NUDT5: variants seen among roughly 807,000 people sequenced by gnomAD.
NUDT5 encodes ADP-sugar pyrophosphatase.
Under a neutral mutation model 34.1 loss-of-function variants are expected in NUDT5, and 21 were observed. That is an observed-to-expected ratio of 0.62 (90% confidence interval 0.44 to 0.89). NUDT5 has a LOEUF of 0.89. Among genes scored for constraint, NUDT5 ranks in the 40% least tolerant of loss-of-function variants. The pLI is 0.00. For synonymous variants in NUDT5, 85 were observed against 97.6 expected (o/e 0.87, Z 0.76); for missense variants, 249 against 274.8 (o/e 0.91, Z 0.66).
In NUDT5 at chr10:12,170,352, C is replaced by G. The variant is rs919538368; in HGVS notation, c.550+365G>C. On this transcript the variant is annotated intron_variant, in intron 9 of 9. Coordinates refer to ENST00000491614, the MANE Select transcript of NUDT5 (RefSeq NM_014142.4). The surrounding 1 kb of genome is among the most constrained non-coding windows in gnomAD (Gnocchi z 4.9). ...CCTCCACAAAGGACCATCCCTCATACTAGCATACTTGAGGAAAAGCTAACA... is the reference window on the plus strand; with the variant it reads ...CCTCCACAAAGGACCATCCCTCATAGTAGCATACTTGAGGAAAAGCTAACA... 2.3e-5 allele frequency: 16 copies of G among 707,924 alleles called. No homozygotes were observed. The highest frequency in any genetic ancestry group is 3.7e-4 in the Middle Eastern group (1 of 2,730). 43.9% of individuals were successfully genotyped at this position (707,924 alleles called of 1,614,324 possible). A position where few individuals can be genotyped will look rare whatever the true frequency, so the allele number is the denominator to read the frequency against.
intron 4 of NUDT5, 30 bp from the exon 5 acceptor site, chr10:12,177,930 C>A (rs748377330): frequency 1.2e-5 from 18 of 1,556,536 alleles, no homozygotes; most frequent in Non-Finnish European, 1.6e-5. Flanking sequence ...CCAAGGAAAT[C>A]CCTAATGAGA....
intron 5 of NUDT5, among the ~76,000 whole-genome samples, chr10:12,176,053 C>T (rs572535679): frequency 1.8e-4 from 28 of 151,836 alleles, no homozygotes; most frequent in Non-Finnish European, 3.2e-4. Flanking sequence ...CAAAATTAGC[C>T]GGGTGTGGTG....
chr10:12,177,595 C>A (rs1834975082), intron 5 of NUDT5, among the ~76,000 whole-genome samples, 198 bp downstream of exon 5: 1 of 152,158 alleles, frequency 6.6e-6, no homozygotes. Context: ...TGGGAGGTGG[C>A]CTTGTGTCGC....
chr10:12,185,545 C>T (rs1428843494), intron 2 of NUDT5, among the ~76,000 whole-genome samples: 3 of 152,220 alleles, frequency 2.0e-5, no homozygotes, highest in Non-Finnish European at 2.9e-5. Flanking sequence ...AACTTACCTA[C>T]GGCACTATAC....
In NUDT5 at chr10:12,168,025, TG is replaced by T; in HGVS notation, c.551-215del. ...CATGAGACAAGAACATCAGGGATAA[TG>T]ATTTTTTTTTTTTTTGGTGAGACAG... On this transcript the variant is annotated intron_variant, in intron 9 of 9. Coordinates refer to ENST00000491614, the MANE Select transcript of NUDT5 (RefSeq NM_014142.4). This position sits in a 1 kb window ranked among gnomAD's most constrained non-coding sequence, Gnocchi z 4.8. 1.1e-6 allele frequency: 1 copy of T among 909,060 alleles called. No individual in the cohort carries two copies. The highest frequency in any genetic ancestry group is 1.5e-6 in the Non-Finnish European group (1 of 686,570). 56.3% of individuals were successfully genotyped at this position (909,060 alleles called of 1,614,324 possible).
chr10:12,173,914 T>C lies in NUDT5; in HGVS notation c.290-101A>G, dbSNP rs1342404022. 4.8e-6 allele frequency: 4 copies of C among 830,052 alleles called. No individual in the cohort carries two copies. Among genetic ancestry groups the C allele is most frequent in the Non-Finnish European group, 6.1e-6 (3 of 488,682 alleles). The allele number at this position is 830,052 out of a possible 1,614,324, so 51.4% of individuals were successfully genotyped here. A position where few individuals can be genotyped will look rare whatever the true frequency, so the allele number is the denominator to read the frequency against. ...TGGAGTCTCACTCTGTCGCCCAGGC[T>C]GGAGTGCAGTGGTGCGATCTCGGCC... On this transcript the variant is annotated intron_variant, in intron 5 of 9. Transcript: ENST00000491614. This position sits in a 1 kb window ranked among gnomAD's most constrained non-coding sequence, Gnocchi z 4.7.
rs1588650394 is a variant in NUDT5, at chr10:12,166,246, G to A, written c.*1456C>T. The A allele has an allele frequency of 6.5e-6, 1 of 153,212 alleles. No homozygotes were observed. The highest frequency in any genetic ancestry group is 2.0e-4 in the South Asian group (1 of 4,880). The allele number at this position is 153,212 out of a possible 1,614,324, so 9.5% of individuals were successfully genotyped here. A position where few individuals can be genotyped will look rare whatever the true frequency, so the allele number is the denominator to read the frequency against. ...GACTGGGCTGCGCCCGTCTACGGATGCCTTCTCTCTTGATTTCAATGATTG... is the reference window on the plus strand; with the variant it reads ...GACTGGGCTGCGCCCGTCTACGGATACCTTCTCTCTTGATTTCAATGATTG... On this transcript the variant is annotated 3_prime_UTR_variant, in exon 10 of 10. Coordinates refer to ENST00000491614, the MANE Select transcript of NUDT5 (RefSeq NM_014142.4).
intron 1 of NUDT5, among the ~76,000 whole-genome samples, chr10:12,194,489 T>C (rs1216490187): frequency 2.0e-5 from 3 of 152,198 alleles, no homozygotes; most frequent in Non-Finnish European, 4.4e-5. Context: ...GCATAAATGA[T>C]GAATCATGAC....
rs1311770973 is a variant in NUDT5 at position 12,170,951 on chromosome 10, T to C, written c.488-43A>G. 42 of 1,606,754 alleles carry C rather than the reference T, an allele frequency of 2.6e-5. No individual in the cohort carries two copies. Among genetic ancestry groups the C allele is most frequent in the Non-Finnish European group, 3.4e-5 (40 of 1,176,348 alleles). On this transcript the variant is annotated intron_variant, in intron 7 of 9. Transcript: ENST00000491614. The surrounding 1 kb of genome is among the most constrained non-coding windows in gnomAD (Gnocchi z 4.9). ...GAAAACATTTCAGCAAGGCCTGGAG[T>C]GGTAACATCGGAAGACTTTTATACA...
At position 12,169,682 on chromosome 10, in the gene NUDT5, G is replaced by A. The variant is rs1056674214; in HGVS notation, c.550+1035C>T. 4.3e-6 allele frequency: 1 copy of A among 234,404 alleles called. No individual in the cohort carries two copies. Among genetic ancestry groups the A allele is most frequent in the African/African-American group, 2.3e-5 (1 of 44,198 alleles). 14.5% of individuals were successfully genotyped at this position (234,404 alleles called of 1,614,324 possible). A position where few individuals can be genotyped will look rare whatever the true frequency, so the allele number is the denominator to read the frequency against. On this transcript the variant is annotated intron_variant, in intron 9 of 9. Transcript: ENST00000491614. The surrounding 1 kb of genome is among the most constrained non-coding windows in gnomAD (Gnocchi z 4.8). ...AAGCAGGAGTGGAAGCTCTCTAAGG[G>A]ATACGAAATCTGATTTTATCCAAAG...
chr10:12,167,527 G>T lies in NUDT5; in HGVS notation c.*175C>A. 1.8e-6 allele frequency: 1 copy of T among 567,004 alleles called. No individual in the cohort carries two copies. Among genetic ancestry groups the T allele is most frequent in the Non-Finnish European group, 3.0e-6 (1 of 328,626 alleles). 35.1% of individuals were successfully genotyped at this position (567,004 alleles called of 1,614,324 possible). Reference sequence around the variant, plus strand: ...TAGCTGGAGTTATAACAAATTTAAAGGAAGGTCACAACCTACCTGTAATTA... The same window carrying T: ...TAGCTGGAGTTATAACAAATTTAAATGAAGGTCACAACCTACCTGTAATTA... On this transcript the variant is annotated 3_prime_UTR_variant, in exon 10 of 10. Transcript: ENST00000491614.
Position 12,167,816 on chromosome 10 carries a change from G to A in NUDT5, c.551-5C>T, listed in dbSNP as rs373371044. The A allele has an allele frequency of 8.1e-6, 13 of 1,613,310 alleles. No homozygotes were observed. The African/African-American group carries it at 1.2e-4, about 15-fold the overall frequency. ...GATGTTCTTCAGCTACCAGAGCTGT[G>A]GAAAGCAAAGAAAACAACTTAGATC... is the stretch of plus-strand genomic sequence containing the variant. On this transcript the variant is annotated splice_region_variant and splice_polypyrimidine_tract_variant and intron_variant, in intron 9 of 9. Transcript: ENST00000491614.
intron 1 of NUDT5, 148 bp from the exon 2 acceptor site, chr10:12,186,480 T>TG (rs1300644896): frequency 1.7e-6 from 1 of 599,646 alleles, no homozygotes; most frequent in African/African-American, 1.9e-5. Context: ...CTGCCGCAGG[T>TG]GGAAATGTGA....
At chr10:12,177,259 C>A (rs1396331575) in intron 5 of NUDT5, among the ~76,000 whole-genome samples, 1 of 152,178 alleles carries the variant, frequency 6.6e-6, no homozygotes, top group Non-Finnish European at 1.5e-5. Context: ...AGGGCTCACG[C>A]CTGTAATCCC....
chr10:12,165,836 G>A lies in NUDT5; in HGVS notation c.*1866C>T, dbSNP rs1834666433. 1 of 152,216 alleles carries A rather than the reference G, an allele frequency of 6.6e-6. No individual in the cohort carries two copies. Among genetic ancestry groups the A allele is most frequent in the South Asian group, 2.1e-4 (1 of 4,826 alleles). The allele number at this position is 152,216 out of a possible 1,614,324, so 9.4% of individuals were successfully genotyped here. A position where few individuals can be genotyped will look rare whatever the true frequency, so the allele number is the denominator to read the frequency against. On this transcript the variant is annotated 3_prime_UTR_variant, in exon 10 of 10. Transcript: ENST00000491614. ...GATAAAGGCAGGCAGGATAGTGACA[G>A]TGGCTCGGTGAGCATCCGCCAAGGG...
At chr10:12,178,231 G>GCCT in intron 4 of NUDT5, among the ~76,000 whole-genome samples, 1 of 152,160 alleles carries the variant, frequency 6.6e-6, no homozygotes, top group Non-Finnish European at 1.5e-5. Flanking sequence ...CCAGCGTGTG[G>GCCT]CAGCCCTACC....
Position 12,187,922 on chromosome 10 carries a change from C to G in NUDT5, c.-41-1590G>C, listed in dbSNP as rs1835156014. 6.6e-6 allele frequency among the ~76,000 whole-genome samples: 1 copy of G among 151,988 alleles called. No homozygotes were observed. The highest frequency in any genetic ancestry group is 2.4e-5 in the African/African-American group (1 of 41,360). ...CTGGAATCCTAGCCCTTTGGGGGAC[C>G]AAGAGTCTGAGACCAGCCTGGGTAA... On this transcript the variant is annotated intron_variant, in intron 1 of 9. Coordinates refer to ENST00000491614, the MANE Select transcript of NUDT5 (RefSeq NM_014142.4). The surrounding 1 kb of genome is among the most constrained non-coding windows in gnomAD (Gnocchi z 5.4).
intron 1 of NUDT5, among the ~76,000 whole-genome samples, chr10:12,190,999 A>G (rs1037863523): frequency 2.0e-5 from 3 of 152,198 alleles, no homozygotes; most frequent in African/African-American, 7.2e-5. Flanking sequence ...CCACATGAAC[A>G]AAGGCAGAGA....
At position 12,195,818 on chromosome 10, in the gene NUDT5, A is replaced by G; in HGVS notation, c.-90T>C. 1 of 228,326 alleles carries G rather than the reference A, an allele frequency of 4.4e-6. No individual in the cohort carries two copies. Among genetic ancestry groups the G allele is most frequent in the South Asian group, 5.1e-5 (1 of 19,778 alleles). 14.1% of individuals were successfully genotyped at this position (228,326 alleles called of 1,614,324 possible). ...GGAAGAGGACGAAATAACTAGCTGG[A>G]GGCAGCAGTGTCAGCCGATGCCGGT... On this transcript the variant is annotated 5_prime_UTR_variant, in exon 1 of 10. Transcript: ENST00000491614.
Sources: allele counts gnomAD v4.1 joint callset (sites outside exome capture counted in the v4.1 genomes callset), GRCh38; gene constraint gnomAD v4.1.1; non-coding constraint Gnocchi (gnomAD v3.1); transcripts MANE v1.5; gene names NCBI Gene and HGNC (gene_info 2026-07-23, HGNC 2026-07-21).